The following BEND3 variants were observed in gnomAD, a reference collection of about 807,000 sequenced individuals.
BEND3 encodes BEN domain-containing protein 3.
BEND3 carries 13 observed loss-of-function variants against 60.1 expected under a neutral mutation model. The observed-to-expected ratio is 0.22, with a 90% CI of 0.14 to 0.34. The LOEUF is 0.34. Ranked by LOEUF, BEND3 falls within the 10% of genes least tolerant of loss-of-function variation. The pLI is 1.00. For missense variants in BEND3, 896 were observed against 1,138.1 expected, an observed-to-expected ratio of 0.79 and a Z score of 3.06; for synonymous variants, 497 against 491.5, an observed-to-expected ratio of 1.01 and a Z score of -0.15.
chr6:107,071,205 C>G (rs1645336780), intron 3 of BEND3, among the ~76,000 whole-genome samples: 1 of 152,206 alleles, frequency 6.6e-6, no homozygotes, highest in Non-Finnish European at 1.5e-5. Context: ...TTTGCGCTCT[C>G]ACAGGGCACC....
chr6:107,098,820 C>A, intron 2 of BEND3, 67 bp from the exon 3 acceptor site: 1 of 1,418,544 alleles, frequency 7.0e-7, no homozygotes, highest in South Asian at 1.2e-5. Context: ...GCAGGGTTCT[C>A]TGAGCAGCAG....
intron 3 of BEND3, among the ~76,000 whole-genome samples, chr6:107,079,164 T>C (rs1298171746): frequency 1.3e-5 from 2 of 152,128 alleles, no homozygotes; most frequent in African/African-American, 2.4e-5. Context: ...CACAGCATGA[T>C]GACAGGTCAT....
chr6:107,080,117 C>A (rs1252416493), intron 3 of BEND3, among the ~76,000 whole-genome samples: 1 of 151,806 alleles, frequency 6.6e-6, no homozygotes, highest in Non-Finnish European at 1.5e-5. Flanking sequence ...TTACATATGG[C>A]TGGCTGTGGT....
chr6:107,099,277 T>C lies in BEND3; in HGVS notation c.9A>G (p.Ser3=). ...CTTCTACATCTTCGGTGAATTCAGT[T>C]GAGTTCATCTTCTATTCCGCTAAAT... MN[S]TEFTEDVEEV... The change falls in exon 2 of 4, where the codon TCA becomes TCG. Residue 3 remains serine (S), a synonymous_variant. Transcript: ENST00000369042. 6.2e-7 allele frequency: 1 copy of C among 1,611,300 alleles called. No individual in the cohort carries two copies. Among genetic ancestry groups the C allele is most frequent in the Non-Finnish European group, 8.5e-7 (1 of 1,178,034 alleles).
rs542949377 is a variant in BEND3, at chr6:107,102,257, G to C, written c.-11-2961C>G. On this transcript the variant is annotated intron_variant, in intron 1 of 3. Transcript: ENST00000369042. Reference sequence around the variant, plus strand: ...ACATAGGGAGCAGTGCAGGGCTGGAGTCCAGGCTGCCACATGGAGCCTGCC... The same window carrying C: ...ACATAGGGAGCAGTGCAGGGCTGGACTCCAGGCTGCCACATGGAGCCTGCC... Among the ~76,000 whole-genome samples the C allele has an allele frequency of 2.0e-4, 31 of 152,332 alleles. No individual in the cohort carries two copies. In the East Asian group the frequency reaches 2.1e-3, roughly 10 times the overall value.
rs146427358 is a variant in BEND3 at position 107,069,884 on chromosome 6, C to T, written c.1307G>A (p.Gly436Glu). Residue 436 changes from glycine (G) to glutamate (E), a missense_variant, in exon 4 of 4, where the codon GGG becomes GAG. Gly to Glu is a moderately conservative substitution (Grantham distance 98, BLOSUM62 -2). Transcript: ENST00000369042. ...RKLGEQYSCY[G>E]DGGKQELDPQ... is the part of the protein sequence containing the mutation. ...GTCCAGCTCCTGCTTTCCACCGTCC[C>T]CGTAGCAGCTGTACTGTTCACCCAG... The T allele has an allele frequency of 1.5e-4, 243 of 1,613,884 alleles. No homozygotes were observed. The highest frequency in any genetic ancestry group is 2.3e-4 in the Admixed American group (14 of 60,024).
In BEND3 at chr6:107,068,446, A is replaced by G. The variant is rs1234972747; in HGVS notation, c.*258T>C. ...CCCCTAACCTCTGGTCCCTGCCCTC[A>G]CAGCTTGCTCTCCCCACACTCAGGC... is the stretch of plus-strand genomic sequence containing the variant. On this transcript the variant is annotated 3_prime_UTR_variant, in exon 4 of 4. Transcript: ENST00000369042. This position sits in a 1 kb window ranked among gnomAD's most constrained non-coding sequence, Gnocchi z 5.8. The G allele has an allele frequency of 2.2e-6, 1 of 457,282 alleles. No homozygotes were observed. Among genetic ancestry groups the G allele is most frequent in the Non-Finnish European group, 3.9e-6 (1 of 257,804 alleles). The allele number at this position is 457,282 out of a possible 1,614,324, so 28.3% of individuals were successfully genotyped here. A position where few individuals can be genotyped will look rare whatever the true frequency, so the allele number is the denominator to read the frequency against.
Position 107,069,481 on chromosome 6 carries a change from G to T in BEND3, c.1710C>A (p.Ile570=), listed in dbSNP as rs782141978. 1 of 1,612,836 alleles carries T rather than the reference G, an allele frequency of 6.2e-7. No homozygotes were observed. ...LRSIYESSLS[I]GNFASRLLVH... is the part of the protein sequence containing the mutation. ...CCAGCAGGCGCGAGGCGAAGTTGCCGATGGACAGGCTGCTCTCGTAGATGC... is the reference window on the plus strand; with the variant it reads ...CCAGCAGGCGCGAGGCGAAGTTGCCTATGGACAGGCTGCTCTCGTAGATGC... The change falls in exon 4 of 4, where the codon ATC becomes ATA. Residue 570 remains isoleucine (I), a synonymous_variant. Coordinates refer to ENST00000369042, the MANE Select transcript of BEND3 (RefSeq NM_001367314.1).
rs1554231679 is a variant in BEND3, at chr6:107,070,076, T to C, written c.1115A>G (p.Lys372Arg). Residue 372 changes from lysine to arginine, a missense_variant, in exon 4 of 4, where the codon AAA becomes AGA. Transcript: ENST00000369042. The surrounding 1 kb of genome is among the most constrained non-coding windows in gnomAD (Gnocchi z 6.9). ...QVDPGHFLDN[K>R]DQEEALSLDR... Reference sequence around the variant, plus strand: ...AAGAGACAGGGCCTCCTCCTGGTCTTTGTTGTCCAGGAAGTGGCCGGGGTC... The same window carrying C: ...AAGAGACAGGGCCTCCTCCTGGTCTCTGTTGTCCAGGAAGTGGCCGGGGTC... 1 of 1,613,600 alleles carries C rather than the reference T, an allele frequency of 6.2e-7. No homozygotes were observed. The highest frequency in any genetic ancestry group is 2.2e-5 in the East Asian group (1 of 44,878).
At position 107,065,243 on chromosome 6, in the gene BEND3, C is replaced by T. The variant is rs1445132309; in HGVS notation, c.*3461G>A. 1 of 152,604 alleles carries T rather than the reference C, an allele frequency of 6.6e-6. No homozygotes were observed. The highest frequency in any genetic ancestry group is 2.4e-5 in the African/African-American group (1 of 41,448). 9.5% of individuals were successfully genotyped at this position (152,604 alleles called of 1,614,324 possible). A position where few individuals can be genotyped will look rare whatever the true frequency, so the allele number is the denominator to read the frequency against. ...AACAGTGTTTGTATAAAAATTCACACAAAGTTGCTAGAGAGCATACAATTT... is the reference window on the plus strand; with the variant it reads ...AACAGTGTTTGTATAAAAATTCACATAAAGTTGCTAGAGAGCATACAATTT... On this transcript the variant is annotated 3_prime_UTR_variant, in exon 4 of 4. Transcript: ENST00000369042.
At chr6:107,083,399 T>G (rs1554233798) in intron 3 of BEND3, among the ~76,000 whole-genome samples, 1 of 151,856 alleles carries the variant, frequency 6.6e-6, no homozygotes, top group Non-Finnish European at 1.5e-5. Context: ...GCGGGAGGAA[T>G]GCTTGAGCCC....
rs1237189196 is a variant in BEND3, at chr6:107,067,985, A to T, written c.*719T>A. The T allele has an allele frequency of 6.6e-6, 1 of 152,180 alleles. No individual in the cohort carries two copies. The highest frequency in any genetic ancestry group is 1.5e-5 in the Non-Finnish European group (1 of 68,050). The allele number at this position is 152,180 out of a possible 1,614,324, so 9.4% of individuals were successfully genotyped here. A position where few individuals can be genotyped will look rare whatever the true frequency, so the allele number is the denominator to read the frequency against. On this transcript the variant is annotated 3_prime_UTR_variant, in exon 4 of 4. Coordinates refer to ENST00000369042, the MANE Select transcript of BEND3 (RefSeq NM_001367314.1). ...CATCATCCAGTGTTCTCGCCTAAAG[A>T]GTGACACAACATTCTACCAACGCGC...
chr6:107,093,730 C>CA, intron 3 of BEND3, among the ~76,000 whole-genome samples: 1 of 152,128 alleles, frequency 6.6e-6, no homozygotes, highest in Non-Finnish European at 1.5e-5. Context: ...ACACCCTTTA[C>CA]AAAAATCAAC....
chr6:107,091,284 C>T (rs972176436), intron 3 of BEND3, among the ~76,000 whole-genome samples: 1 of 151,330 alleles, frequency 6.6e-6, no homozygotes, highest in African/African-American at 2.4e-5. Context: ...CCAAAGTAAG[C>T]AGAAGAAAAG....
chr6:107,104,186 A>C (rs1721283045), intron 1 of BEND3, among the ~76,000 whole-genome samples: 1 of 149,118 alleles, frequency 6.7e-6, no homozygotes, highest in Admixed American at 6.7e-5. Flanking sequence ...GCTACTCGGG[A>C]GGCTGAGGCA....
chr6:107,086,597 A>G (rs1775353578), intron 3 of BEND3, among the ~76,000 whole-genome samples: 1 of 151,934 alleles, frequency 6.6e-6, no homozygotes, highest in Non-Finnish European at 1.5e-5. Context: ...CCAGAGACAG[A>G]GCAAGACTCC....
At chr6:107,114,616 A>G (rs1582682082) in intron 1 of BEND3, among the ~76,000 whole-genome samples, 1 of 143,962 alleles carries the variant, frequency 6.9e-6, no homozygotes, top group Non-Finnish European at 1.5e-5. Flanking sequence ...GTGCCCCGCC[A>G]AAGCCCCGCC....
Position 107,069,454 on chromosome 6 carries a change from C to T in BEND3, c.1737G>A (p.Val579=). The T allele has an allele frequency of 6.2e-7, 1 of 1,612,010 alleles. No individual in the cohort carries two copies. The highest frequency in any genetic ancestry group is 8.5e-7 in the Non-Finnish European group (1 of 1,179,866). ...SIGNFASRLL[V]HLFPELFTHE... is the part of the protein sequence containing the mutation. ...GCGTGAAGAGCTCGGGGAACAGGTG[C>T]ACCAGCAGGCGCGAGGCGAAGTTGC... is the stretch of plus-strand genomic sequence containing the variant. The change falls in exon 4 of 4, where the codon GTG becomes GTA. Residue 579 remains valine, a synonymous_variant. Transcript: ENST00000369042.
chr6:107,074,982 T>A (rs1554232577), intron 3 of BEND3, among the ~76,000 whole-genome samples: 1 of 151,842 alleles, frequency 6.6e-6, no homozygotes. Flanking sequence ...ACGCCTGTAG[T>A]CCCAGCTACT....
Sources: allele counts gnomAD v4.1 joint callset (sites outside exome capture counted in the v4.1 genomes callset), GRCh38; gene constraint gnomAD v4.1.1; non-coding constraint Gnocchi (gnomAD v3.1); transcripts MANE v1.5; gene names NCBI Gene and HGNC (gene_info 2026-07-23, HGNC 2026-07-21).